The following GTF2IRD1 variants were observed in gnomAD, a reference collection of about 807,000 sequenced individuals.
GTF2IRD1 encodes general transcription factor II-I repeat domain-containing protein 1.
GTF2IRD1 carries 26 observed loss-of-function variants against 113.2 expected under a neutral mutation model. The ratio of observed to expected loss-of-function variants is 0.23; its 90% CI spans 0.17 to 0.32. GTF2IRD1 has a LOEUF of 0.32. GTF2IRD1 is among the 10% of genes least tolerant of loss of function. GTF2IRD1 has a pLI of 1.00. For missense variants in GTF2IRD1, 864 were observed against 1,280.8 expected, an observed-to-expected ratio of 0.67 and a Z score of 4.97; for synonymous variants, 484 against 529.1, an observed-to-expected ratio of 0.91 and a Z score of 1.17.
chr7:74,508,427 C>G (rs1554341801), intron 2 of GTF2IRD1, among the ~76,000 whole-genome samples: 4 of 152,254 alleles, frequency 2.6e-5, no homozygotes, highest in Admixed American at 2.0e-4. Flanking sequence ...CACAGTGGCT[C>G]ATGCCTGTAA....
chr7:74,573,607 A>T (rs587736545), intron 22 of GTF2IRD1, among the ~76,000 whole-genome samples: 1 of 152,300 alleles, frequency 6.6e-6, no homozygotes, highest in East Asian at 1.9e-4. Flanking sequence ...AGGGGTCGCC[A>T]GGCACCTTGT....
chr7:74,476,873 G>T (rs1298828239), intron 1 of GTF2IRD1, among the ~76,000 whole-genome samples: 2 of 152,152 alleles, frequency 1.3e-5, no homozygotes, highest in African/African-American at 2.4e-5. Context: ...CAAGGAGTGG[G>T]CCTGATTCAC....
At chr7:74,538,476 G>T (rs1233430555) in intron 12 of GTF2IRD1, among the ~76,000 whole-genome samples, 1 of 152,210 alleles carries the variant, frequency 6.6e-6, no homozygotes, top group Non-Finnish European at 1.5e-5. Context: ...CAGTCACCGG[G>T]TCTGTAAATC....
rs144413303 is a variant in GTF2IRD1 at position 74,496,019 on chromosome 7, CGTGT to C, written c.-6-12050_-6-12047del. Among the ~76,000 whole-genome samples the C allele has an allele frequency of 2.0e-5, 3 of 151,788 alleles. No homozygotes were observed. In the East Asian group the frequency reaches 5.9e-4, roughly 30 times the overall value. ...CTGGCCCCAGGAGGACTTGGACTAG[CGTGT>C]GTGTGAGTGAGTGTGCATGTGTGCA... On this transcript the variant is annotated intron_variant, in intron 1 of 26. Transcript: ENST00000424337.
At position 74,590,150 on chromosome 7, in the gene GTF2IRD1, C is replaced by T. The variant is rs587729163; in HGVS notation, c.2398+222C>T. Among the ~76,000 whole-genome samples the T allele has an allele frequency of 4.0e-4, 61 of 152,152 alleles. 1 individual carries two copies. Among genetic ancestry groups the T allele is most frequent in the Admixed American group, 3.0e-3 (46 of 15,270 alleles). The stretch of plus-strand genomic sequence containing the variant: ...AAGCTGGAGTACAGTGGCGTATCTC[C>T]GCTCACTGCAGCCTTCACCTCCTGG... On this transcript the variant is annotated intron_variant, in intron 23 of 26. Transcript: ENST00000424337.
At chr7:74,564,996 C>G (rs1287361611) in intron 22 of GTF2IRD1, among the ~76,000 whole-genome samples, 1 of 151,954 alleles carries the variant, frequency 6.6e-6, no homozygotes, top group Non-Finnish European at 1.5e-5. Flanking sequence ...TTTCTGGGGG[C>G]CAGGGGTACT....
At chr7:74,517,735 T>G (rs1797034692) in intron 4 of GTF2IRD1, among the ~76,000 whole-genome samples, 1 of 152,222 alleles carries the variant, frequency 6.6e-6, no homozygotes. Flanking sequence ...AGCTTTTTCC[T>G]TGCAGCCTGG....
intron 22 of GTF2IRD1, among the ~76,000 whole-genome samples, chr7:74,581,081 G>A (rs1198641330): frequency 2.0e-5 from 3 of 152,076 alleles, no homozygotes; most frequent in South Asian, 2.1e-4. Context: ...GTGCAGTGGC[G>A]CCATCTCGGC....
chr7:74,551,391 A>G (rs1282422039), intron 17 of GTF2IRD1, among the ~76,000 whole-genome samples: 1 of 152,268 alleles, frequency 6.6e-6, no homozygotes, highest in Non-Finnish European at 1.5e-5. Flanking sequence ...CAAAGAGACA[A>G]ACAAACTAAA....
chr7:74,532,838 A>G (rs1156580068), intron 9 of GTF2IRD1, among the ~76,000 whole-genome samples: 2 of 152,052 alleles, frequency 1.3e-5, no homozygotes, highest in Non-Finnish European at 2.9e-5. Flanking sequence ...TCCCTTGGAC[A>G]TTGTCAGGTA....
intron 1 of GTF2IRD1, among the ~76,000 whole-genome samples, chr7:74,490,284 A>G (rs896731929): frequency 6.6e-6 from 1 of 152,064 alleles, no homozygotes; most frequent in Admixed American, 6.6e-5. Context: ...TGTCTTAACC[A>G]TGACCCCAGA....
chr7:74,484,394 G>A (rs1794903483), intron 1 of GTF2IRD1, among the ~76,000 whole-genome samples: 2 of 151,172 alleles, frequency 1.3e-5, no homozygotes, highest in South Asian at 4.2e-4. Context: ...TGATCCTCCT[G>A]TCTCAGCCTC....
chr7:74,549,934 G>C (rs1309966964), intron 17 of GTF2IRD1, among the ~76,000 whole-genome samples: 3 of 152,090 alleles, frequency 2.0e-5, no homozygotes, highest in African/African-American at 7.2e-5. Flanking sequence ...TACTCTGGAG[G>C]CTGAGGCAGG....
intron 1 of GTF2IRD1, among the ~76,000 whole-genome samples, chr7:74,499,388 A>G (rs1554338869): frequency 6.7e-6 from 1 of 149,562 alleles, no homozygotes; most frequent in East Asian, 2.1e-4. Flanking sequence ...AAAAGTGTGC[A>G]AGGAAGGGAG....
At chr7:74,508,661 A>C (rs1796437607) in intron 2 of GTF2IRD1, among the ~76,000 whole-genome samples, 1 of 149,354 alleles carries the variant, frequency 6.7e-6, no homozygotes, top group Admixed American at 6.8e-5. Flanking sequence ...ATTGTACTCC[A>C]GCCTGGGTGA....
intron 1 of GTF2IRD1, among the ~76,000 whole-genome samples, chr7:74,481,779 C>T (rs1230255946): frequency 2.6e-5 from 4 of 152,186 alleles, no homozygotes; most frequent in African/African-American, 9.7e-5. Context: ...TAAATCTTTG[C>T]ATTTGGGATA....
intron 8 of GTF2IRD1, 78 bp downstream of exon 8, chr7:74,524,232 C>G (rs1388749994): frequency 1.0e-6 from 1 of 971,316 alleles, no homozygotes; most frequent in Non-Finnish European, 1.6e-6. Flanking sequence ...CACTCGTGTT[C>G]CCCAACACGG....
chr7:74,491,311 CTTTTTTTT>C (rs1178298791), intron 1 of GTF2IRD1, among the ~76,000 whole-genome samples: 9,682 of 95,734 alleles, frequency 0.1, 397 homozygotes, highest in Middle Eastern at 0.16. Context: ...AAAAAAAATT[CTTTTTTTT>C]TTTTTTTTTT....
At chr7:74,468,797 TG>T (rs1451216792) in intron 1 of GTF2IRD1, among the ~76,000 whole-genome samples, 1 of 142,630 alleles carries the variant, frequency 7.0e-6, no homozygotes, top group African/African-American at 2.6e-5. Context: ...TAAGAAAATA[TG>T]GAAGGGCCGG....
Sources: gnomAD v4.1 joint callset for allele counts (sites outside exome capture counted in the v4.1 genomes callset) on GRCh38, gnomAD v4.1.1 for gene constraint, MANE v1.5 for transcripts, NCBI Gene and HGNC (gene_info 2026-07-23, HGNC 2026-07-21) for gene names.